The following NRG1 variants were observed in gnomAD, a reference collection of about 807,000 sequenced individuals.
NRG1 encodes the protein neuregulin 1.
In NRG1, 18 loss-of-function variants were observed where a neutral mutation model predicts 63.8. That is an observed-to-expected ratio of 0.28 (90% confidence interval 0.19 to 0.42). NRG1 has a LOEUF of 0.42. NRG1 is among the 10% of genes least tolerant of loss of function. The pLI is 1.00. For missense variants in NRG1, 762 were observed against 814.7 expected (o/e 0.94, Z 0.79); for synonymous variants, 302 against 301.3 (o/e 1.00, Z -0.02).
In NRG1 at chr8:31,739,658, A is replaced by G. The variant is rs553066114; in HGVS notation, c.37+100227A>G. Among the ~76,000 whole-genome samples the G allele has an allele frequency of 2.1e-4, 32 of 152,190 alleles. No individual in the cohort carries two copies. In the South Asian group the frequency reaches 4.8e-3, roughly 23 times the overall value. ...CATGGAGTAGCAAGAAAATGGAGCA[A>G]TGACATTTGGGGGGAGCATGACATC... On this transcript the variant is annotated intron_variant, in intron 1 of 10. Coordinates refer to the NRG1 transcript ENST00000519301.
At chr8:32,019,344 C>T (rs931635513) in intron 1 of NRG1, among the ~76,000 whole-genome samples, 5 of 152,184 alleles carry the variant, frequency 3.3e-5, no homozygotes, top group South Asian at 2.1e-4. Context: ...ATGATCTGCT[C>T]GCCTTGGCCT....
intron 1 of NRG1, among the ~76,000 whole-genome samples, chr8:32,148,068 CAATAAT>C (rs921588555): frequency 1.3e-5 from 2 of 151,778 alleles, no homozygotes; most frequent in Admixed American, 1.3e-4. Context: ...TTATTATGTG[CAATAAT>C]AATAATAATA....
intron 1 of NRG1, among the ~76,000 whole-genome samples, chr8:32,578,030 A>G (rs1839975542): frequency 6.6e-6 from 1 of 152,086 alleles, no homozygotes; most frequent in Non-Finnish European, 1.5e-5. Context: ...AGTCTCACAC[A>G]GTCGCCTGGT....
intron 1 of NRG1, among the ~76,000 whole-genome samples, chr8:31,847,715 C>T (rs929274726): frequency 2.6e-5 from 4 of 152,224 alleles, no homozygotes; most frequent in Non-Finnish European, 5.9e-5. Context: ...AATCCATTAA[C>T]ATGTGGCACC....
At chr8:31,791,776 T>A (rs887462936) in intron 1 of NRG1, among the ~76,000 whole-genome samples, 3 of 152,194 alleles carry the variant, frequency 2.0e-5, no homozygotes, top group Non-Finnish European at 4.4e-5. Context: ...GAGTTCAGGT[T>A]GGCTCTAGTC....
At chr8:32,327,167 C>CA (rs1802119449) in intron 1 of NRG1, among the ~76,000 whole-genome samples, 1 of 152,182 alleles carries the variant, frequency 6.6e-6, no homozygotes, top group Non-Finnish European at 1.5e-5. Context: ...AGGTTCCTCC[C>CA]TGGTTTCTGT....
intron 7 of NRG1, among the ~76,000 whole-genome samples, chr8:32,753,895 G>A (rs528381863): frequency 1.7e-4 from 26 of 152,244 alleles, no homozygotes; most frequent in African/African-American, 6.0e-4. Context: ...GCCAGGGGCT[G>A]GGGGATAAAG....
At chr8:32,024,779 G>A (rs1476269326) in intron 1 of NRG1, among the ~76,000 whole-genome samples, 1 of 152,084 alleles carries the variant, frequency 6.6e-6, no homozygotes, top group Non-Finnish European at 1.5e-5. Flanking sequence ...CAGATCAAAA[G>A]GAACTTTCCA....
At chr8:31,955,371 A>G (rs1804196120) in intron 1 of NRG1, among the ~76,000 whole-genome samples, 1 of 152,238 alleles carries the variant, frequency 6.6e-6, no homozygotes, top group African/African-American at 2.4e-5. Flanking sequence ...TTCATGCTTC[A>G]TTTGAGAAGC....
intron 7 of NRG1, chr8:32,743,160 G>T: frequency 2.0e-6 from 2 of 988,190 alleles, no homozygotes; most frequent in Non-Finnish European, 2.4e-6. Context: ...ATATGCACTT[G>T]AAATGATGGT....
chr8:32,564,012 A>G (rs1414529534), intron 1 of NRG1, among the ~76,000 whole-genome samples: 1 of 152,148 alleles, frequency 6.6e-6, no homozygotes, highest in Admixed American at 6.6e-5. Flanking sequence ...CAAGCAGCAG[A>G]CTGCTTTTTA....
intron 1 of NRG1, among the ~76,000 whole-genome samples, chr8:31,660,832 G>A (rs1250669623): frequency 6.6e-6 from 1 of 152,056 alleles, no homozygotes; most frequent in Non-Finnish European, 1.5e-5. Context: ...ATACTGTTGG[G>A]AGTCTATAGT....
chr8:31,879,743 T>C (rs1830203485), intron 1 of NRG1, among the ~76,000 whole-genome samples: 1 of 152,196 alleles, frequency 6.6e-6, no homozygotes, highest in Non-Finnish European at 1.5e-5. Flanking sequence ...GAGTGTCTGT[T>C]GTTTCCTTCT....
At chr8:32,426,422 G>A (rs909918939) in intron 1 of NRG1, among the ~76,000 whole-genome samples, 3 of 152,128 alleles carry the variant, frequency 2.0e-5, no homozygotes, top group Non-Finnish European at 2.9e-5. Context: ...CTTTTCTGAC[G>A]CAAAATATTG....
intron 7 of NRG1, chr8:32,743,340 T>C: frequency 2.2e-6 from 1 of 457,284 alleles, no homozygotes; most frequent in Non-Finnish European, 2.9e-6. Flanking sequence ...TATCCTGGCT[T>C]CTGTTTACGT....
intron 1 of NRG1, among the ~76,000 whole-genome samples, chr8:31,819,796 C>T (rs1057197411): frequency 3.9e-5 from 6 of 152,156 alleles, no homozygotes; most frequent in African/African-American, 1.4e-4. Flanking sequence ...CTAACATTTC[C>T]TAATTAGCCC....
intron 1 of NRG1, among the ~76,000 whole-genome samples, chr8:32,295,825 T>C (rs567986816): frequency 6.6e-6 from 1 of 151,110 alleles, no homozygotes; most frequent in African/African-American, 2.4e-5. Flanking sequence ...GGCAGGAGAA[T>C]ACTCAGGAGG....
rs563453861 is a variant in NRG1, at chr8:32,450,416, A to G, written c.38-145412A>G. 4.6e-5 allele frequency among the ~76,000 whole-genome samples: 7 copies of G among 151,986 alleles called. No individual in the cohort carries two copies. The South Asian group carries it at 1.2e-3, about 27-fold the overall frequency. Reference sequence around the variant, plus strand: ...GGTGACACAGTGAGACCTCATTTCTAAAAAAGAAAAAAAAAATTGAGACAG... The same window carrying G: ...GGTGACACAGTGAGACCTCATTTCTGAAAAAGAAAAAAAAAATTGAGACAG... On this transcript the variant is annotated intron_variant, in intron 1 of 10. Transcript: ENST00000519301.
intron 1 of NRG1, chr8:31,639,977 C>A: frequency 8.8e-7 from 1 of 1,130,502 alleles, no homozygotes; most frequent in Non-Finnish European, 1.1e-6. Flanking sequence ...CCGCACGCAC[C>A]TCGCACCATG....
Sources: gnomAD v4.1 joint callset for allele counts (sites outside exome capture counted in the v4.1 genomes callset) on GRCh38, gnomAD v4.1.1 for gene constraint, MANE v1.5 for transcripts, NCBI Gene and HGNC (gene_info 2026-07-23, HGNC 2026-07-21) for gene names.